DCHS2: variants seen among roughly 807,000 people sequenced by gnomAD.
DCHS2 encodes the protein dachsous cadherin-related 2.
Under a neutral mutation model 182.4 loss-of-function variants are expected in DCHS2, and 142 were observed. The ratio of observed to expected loss-of-function variants is 0.78; its 90% CI spans 0.68 to 0.89. The LOEUF (loss-of-function observed/expected upper bound fraction) is 0.89, where lower values mean the gene tolerates loss of function less well. DCHS2 is among the 40% of genes least tolerant of loss of function. The pLI is 0.00. For synonymous variants in DCHS2, 1,740 were observed against 1,663.3 expected (o/e 1.05, Z -1.12); for missense variants, 4,319 against 4,198.6 (o/e 1.03, Z -0.79).
chr4:154,314,632 C>G (rs1036554451), intron 10 of DCHS2, among the ~76,000 whole-genome samples: 2 of 152,138 alleles, frequency 1.3e-5, no homozygotes, highest in East Asian at 3.8e-4. Flanking sequence ...GTAAATGTAT[C>G]TTTTGCCCCT....
At position 154,333,175 on chromosome 4, in the gene DCHS2, G is replaced by A. The variant is rs1321055872; in HGVS notation, c.3033C>T (p.Asn1011=). Residue 1011 remains asparagine, a synonymous_variant, in exon 5 of 20, where the codon AAC becomes AAT. Coordinates refer to ENST00000357232, the MANE Select transcript of DCHS2 (RefSeq NM_001358235.2). Reference sequence around the variant, plus strand: ...TGGCGATGGAGTACCGGATGAGTCCGTTCCGCCCACTGTCTCTGTCTTCCG... The same window carrying A: ...TGGCGATGGAGTACCGGATGAGTCCATTCCGCCCACTGTCTCTGTCTTCCG... The part of the protein sequence containing the change: ...ARAEDRDSGR[N]GLIRYSIASP... 1 of 1,614,086 alleles carries A rather than the reference G, an allele frequency of 6.2e-7. No individual in the cohort carries two copies. Among genetic ancestry groups the A allele is most frequent in the South Asian group, 1.1e-5 (1 of 91,088 alleles).
rs70947155 is a variant in DCHS2, at chr4:154,283,456, CAA to C, written c.6464-13445_6464-13444del. Among the ~76,000 whole-genome samples, 491 of 126,664 alleles carry C rather than the reference CAA, an allele frequency of 3.9e-3. 4 individuals are homozygous for C. The highest frequency in any genetic ancestry group is 0.013 in the African/African-American group (431 of 33,664). 83.1% of individuals were successfully genotyped at this position (126,664 alleles called of 152,430 possible). On this transcript the variant is annotated intron_variant, in intron 13 of 19. Coordinates refer to ENST00000357232, the MANE Select transcript of DCHS2 (RefSeq NM_001358235.2). ...CTGCTTATTTTTTTATAAGTTTAAG[CAA>C]AAAAAAAAAAAAGATGTGCAGATAA...
At chr4:154,403,413 A>T (rs1331953396) in intron 1 of DCHS2, among the ~76,000 whole-genome samples, 2 of 152,188 alleles carry the variant, frequency 1.3e-5, no homozygotes, top group African/African-American at 2.4e-5. Flanking sequence ...AGATGATTAT[A>T]TAAATTTTTC....
rs72970632 is a variant in DCHS2 at position 154,275,393 on chromosome 4, G to T, written c.6464-5380C>A. 9.4e-3 allele frequency among the ~76,000 whole-genome samples: 1,427 copies of T among 152,222 alleles called. 24 individuals carry two copies. Among genetic ancestry groups the T allele is most frequent in the African/African-American group, 0.031 (1,286 of 41,550 alleles). ...CCAAACGGTTATTCTTTTCAAGCCA[G>T]TTAGGAAGAAGTCATTTAGTGACAA... On this transcript the variant is annotated intron_variant, in intron 13 of 19. Coordinates refer to ENST00000357232, the MANE Select transcript of DCHS2 (RefSeq NM_001358235.2).
chr4:154,364,346 T>A (rs1213579065), intron 3 of DCHS2, among the ~76,000 whole-genome samples: 1 of 152,196 alleles, frequency 6.6e-6, no homozygotes, highest in Non-Finnish European at 1.5e-5. Flanking sequence ...AATGTCTTTT[T>A]AAAACAATCT....
intron 11 of DCHS2, 96 bp from the exon 12 acceptor site, chr4:154,304,974 A>T: frequency 6.6e-7 from 1 of 1,508,656 alleles, no homozygotes; most frequent in East Asian, 2.4e-5. Context: ...ACCAGGTAGC[A>T]CTGGCTCAAT....
chr4:154,441,972 G>A (rs913981849), intron 1 of DCHS2, among the ~76,000 whole-genome samples: 1 of 151,998 alleles, frequency 6.6e-6, no homozygotes, highest in Non-Finnish European at 1.5e-5. Flanking sequence ...AATAACCATT[G>A]GGTAAGTCAA....
At chr4:154,281,154 T>G (rs1032091425) in intron 13 of DCHS2, among the ~76,000 whole-genome samples, 11 of 151,792 alleles carry the variant, frequency 7.2e-5, no homozygotes, top group Non-Finnish European at 1.6e-4. Flanking sequence ...CACTTCTATT[T>G]AACACAGTAT....
At chr4:154,373,118 T>A (rs992062178) in intron 2 of DCHS2, among the ~76,000 whole-genome samples, 4 of 152,340 alleles carry the variant, frequency 2.6e-5, no homozygotes, top group Middle Eastern at 3.4e-3. Context: ...AAACTCATTA[T>A]GGCCTAGAAT....
At chr4:154,431,080 C>A (rs1459954979) in intron 1 of DCHS2, among the ~76,000 whole-genome samples, 1 of 152,182 alleles carries the variant, frequency 6.6e-6, no homozygotes, top group Middle Eastern at 3.2e-3. Flanking sequence ...TTAGAATCAG[C>A]TTGTCAAATT....
chr4:154,240,111 C>G (rs922853618), intron 18 of DCHS2, among the ~76,000 whole-genome samples: 2 of 152,024 alleles, frequency 1.3e-5, no homozygotes, highest in Admixed American at 6.6e-5. Context: ...GCTCTAAAAG[C>G]TAAAATTTCC....
chr4:154,401,337 C>T lies in DCHS2; in HGVS notation c.2053-23893G>A, dbSNP rs1468990753. Among the ~76,000 whole-genome samples the T allele has an allele frequency of 5.3e-5, 8 of 152,112 alleles. No individual in the cohort carries two copies. In the East Asian group the frequency reaches 1.3e-3, roughly 26 times the overall value. On this transcript the variant is annotated intron_variant, in intron 1 of 19. Transcript: ENST00000357232. ...TGAGTGAAGCTGCCATGAATATTAT[C>T]GCATGAGTCTTTTTGCAGACATGTT... is the stretch of plus-strand genomic sequence containing the variant.
intron 13 of DCHS2, among the ~76,000 whole-genome samples, chr4:154,285,127 G>T (rs114856765): frequency 0.017 from 2,571 of 152,080 alleles, 70 homozygotes; most frequent in African/African-American, 0.058. Flanking sequence ...CACACCCTGG[G>T]CCAGAAAGAA....
intron 1 of DCHS2, among the ~76,000 whole-genome samples, chr4:154,411,812 T>C (rs989417639): frequency 6.6e-6 from 1 of 152,194 alleles, no homozygotes; most frequent in Non-Finnish European, 1.5e-5. Context: ...AGTATATGTA[T>C]CATATAACAT....
At chr4:154,435,138 G>A (rs915249617) in intron 1 of DCHS2, among the ~76,000 whole-genome samples, 1 of 152,136 alleles carries the variant, frequency 6.6e-6, no homozygotes, top group African/African-American at 2.4e-5. Context: ...AACTAGATGA[G>A]GGGTACACAG....
At chr4:154,270,990 G>A (rs1471309623) in intron 13 of DCHS2, among the ~76,000 whole-genome samples, 1 of 152,116 alleles carries the variant, frequency 6.6e-6, no homozygotes, top group Non-Finnish European at 1.5e-5. Context: ...GGGAGAAACA[G>A]AAATTCAGTT....
chr4:154,453,700 C>T (rs945124440), intron 1 of DCHS2, among the ~76,000 whole-genome samples: 2 of 152,162 alleles, frequency 1.3e-5, no homozygotes, highest in Non-Finnish European at 2.9e-5. Context: ...AAGTGTCAGA[C>T]TGGCATCACA....
chr4:154,475,697 T>C (rs922441484), intron 1 of DCHS2, among the ~76,000 whole-genome samples: 1 of 152,218 alleles, frequency 6.6e-6, no homozygotes, highest in African/African-American at 2.4e-5. Flanking sequence ...TCACCCAGTC[T>C]ATTAAGAGGC....
At chr4:154,350,970 G>A (rs1277840431) in intron 3 of DCHS2, among the ~76,000 whole-genome samples, 1 of 152,186 alleles carries the variant, frequency 6.6e-6, no homozygotes, top group Non-Finnish European at 1.5e-5. Flanking sequence ...ATGGCCAGAG[G>A]TTCAGGAAGA....
Sources: allele counts gnomAD v4.1 joint callset (sites outside exome capture counted in the v4.1 genomes callset), GRCh38; gene constraint gnomAD v4.1.1; transcripts MANE v1.5; gene names NCBI Gene and HGNC (gene_info 2026-07-23, HGNC 2026-07-21).